Variants in RYR3 observed in about 807,000 individuals in gnomAD.
The protein encoded by RYR3 is brain ryanodine receptor-calcium release channel.
RYR3 carries 207 observed loss-of-function variants against 584.3 expected under a neutral mutation model. That is an observed-to-expected ratio of 0.35 (90% CI 0.32 to 0.40). The LOEUF is 0.40. Ranked by LOEUF, RYR3 falls within the 10% of genes least tolerant of loss-of-function variation. The probability of loss-of-function intolerance (pLI) is 1.00; values close to 1 mark genes in which losing one functional copy is unlikely to be tolerated. For missense variants in RYR3, 5,616 were observed against 6,089.2 expected (o/e 0.92, Z 2.59); for synonymous variants, 2,416 against 2,248.5 (o/e 1.07, Z -2.11).
chr15:33,375,062 C>T (rs979119819), intron 1 of RYR3, among the ~76,000 whole-genome samples: 10 of 152,022 alleles, frequency 6.6e-5, no homozygotes, highest in African/African-American at 2.4e-4. Context: ...GGAGAGTATC[C>T]AGCCTTTGAG....
At chr15:33,800,595 T>C (rs2152930059) in intron 67 of RYR3, among the ~76,000 whole-genome samples, 175 bp from the exon 68 acceptor site, 1 of 152,378 alleles carries the variant, frequency 6.6e-6, no homozygotes, top group Middle Eastern at 3.4e-3. Context: ...TATGTACCTA[T>C]ATCTGAATGT....
intron 1 of RYR3, among the ~76,000 whole-genome samples, chr15:33,449,780 C>G (rs1483184075): frequency 6.6e-6 from 1 of 152,022 alleles, no homozygotes; most frequent in Non-Finnish European, 1.5e-5. Flanking sequence ...CAGTCATTTT[C>G]GAGCACGGAT....
chr15:33,644,639 G>C (rs1389631359), intron 28 of RYR3, 120 bp downstream of exon 28: 4 of 701,014 alleles, frequency 5.7e-6, no homozygotes, highest in Non-Finnish European at 7.4e-6. Context: ...CCACTTACCA[G>C]CCACCTCCCC....
intron 1 of RYR3, among the ~76,000 whole-genome samples, chr15:33,426,948 C>T (rs2044700118): frequency 1.3e-5 from 2 of 152,154 alleles, no homozygotes; most frequent in Admixed American, 1.3e-4. Flanking sequence ...TATAAGGGCA[C>T]AAATCCCATT....
At chr15:33,579,889 G>T (rs2058505142) in intron 12 of RYR3, 87 bp from the exon 13 acceptor site, 2 of 996,872 alleles carry the variant, frequency 2.0e-6, no homozygotes, top group Non-Finnish European at 2.9e-6. Context: ...GCACCGTGGG[G>T]GGCTGTTAGG....
intron 64 of RYR3, among the ~76,000 whole-genome samples, chr15:33,775,189 G>A (rs937904961): frequency 6.6e-6 from 1 of 152,176 alleles, no homozygotes; most frequent in African/African-American, 2.4e-5. Flanking sequence ...CTCCATGTTG[G>A]TAGAAGTCAA....
In RYR3 at chr15:33,840,690, C is replaced by T. The variant is rs570754236; in HGVS notation, c.12979-135C>T. ...ACATATATAGCAGGACACTTATGTT[C>T]AGTGATCCTGAGAGAAGCAGAAACA... is the stretch of plus-strand genomic sequence containing the variant. On this transcript the variant is annotated intron_variant, in intron 89 of 103. Transcript: ENST00000634891. The T allele has an allele frequency of 1.1e-5, 8 of 741,946 alleles. No individual in the cohort carries two copies. The African/African-American group carries it at 1.2e-4, about 11-fold the overall frequency. The allele number at this position is 741,946 out of a possible 1,614,324, so 46.0% of individuals were successfully genotyped here.
intron 1 of RYR3, among the ~76,000 whole-genome samples, chr15:33,469,546 C>T (rs570813730): frequency 5.3e-5 from 8 of 151,644 alleles, no homozygotes; most frequent in African/African-American, 1.5e-4. Context: ...CTCAGAGATA[C>T]GAGATAATGA....
chr15:33,666,081 T>C (rs2063479633), intron 36 of RYR3, among the ~76,000 whole-genome samples: 1 of 152,198 alleles, frequency 6.6e-6, no homozygotes. Context: ...ATCAGCTTAC[T>C]GCAACCTCTG....
intron 35 of RYR3, 78 bp from the exon 36 acceptor site, chr15:33,663,459 C>A: frequency 8.1e-7 from 1 of 1,241,588 alleles, no homozygotes; most frequent in Non-Finnish European, 1.1e-6. Flanking sequence ...AGTCTCAGTG[C>A]TACTGTCTGT....
intron 92 of RYR3, 51 bp from the exon 93 acceptor site, chr15:33,844,811 T>C: frequency 6.6e-7 from 1 of 1,506,850 alleles, no homozygotes; most frequent in Admixed American, 1.8e-5. Context: ...GAGAGCCCAA[T>C]GGCTGAGGTT....
At chr15:33,451,504 C>T (rs1029725623) in intron 1 of RYR3, among the ~76,000 whole-genome samples, 1 of 151,958 alleles carries the variant, frequency 6.6e-6, no homozygotes, top group Admixed American at 6.6e-5. Context: ...GCTCCACAAT[C>T]ATGTGAGTGA....
At chr15:33,328,029 A>T (rs778955854) in intron 1 of RYR3, among the ~76,000 whole-genome samples, 2 of 152,216 alleles carry the variant, frequency 1.3e-5, no homozygotes, top group Non-Finnish European at 2.9e-5. Flanking sequence ...TTGTGTCTGT[A>T]TGTGTGCCTG....
intron 69 of RYR3, among the ~76,000 whole-genome samples, chr15:33,802,628 G>T (rs2075980866): frequency 6.6e-6 from 1 of 152,154 alleles, no homozygotes; most frequent in Non-Finnish European, 1.5e-5. Flanking sequence ...GGCTCTGCAC[G>T]CTGAGGCTTC....
intron 102 of RYR3, 23 bp downstream of exon 102, chr15:33,861,201 A>C (rs1888067682): frequency 6.5e-7 from 1 of 1,527,058 alleles, no homozygotes; most frequent in Non-Finnish European, 8.9e-7. Context: ...GGTTAACAAA[A>C]GTAATGGCAG....
At chr15:33,381,178 C>T (rs1012295852) in intron 1 of RYR3, among the ~76,000 whole-genome samples, 3 of 152,218 alleles carry the variant, frequency 2.0e-5, no homozygotes, top group East Asian at 1.9e-4. Flanking sequence ...CATCTGGTTC[C>T]GCCAATGTTT....
At chr15:33,745,196 A>G (rs2070569428) in intron 52 of RYR3, among the ~76,000 whole-genome samples, 1 of 152,120 alleles carries the variant, frequency 6.6e-6, no homozygotes. Context: ...TGTTCACTCC[A>G]CTTCATCCAG....
At chr15:33,571,603 T>C (rs2058030779) in intron 12 of RYR3, among the ~76,000 whole-genome samples, 1 of 152,202 alleles carries the variant, frequency 6.6e-6, no homozygotes, top group Non-Finnish European at 1.5e-5. Flanking sequence ...CATAGAGCCA[T>C]TCCAGGTGTC....
Position 33,724,084 on chromosome 15 carries a change from G to A in RYR3, c.6820G>A (p.Glu2274Lys), listed in dbSNP as rs1334698268. 11 of 1,610,062 alleles carry A rather than the reference G, an allele frequency of 6.8e-6. No individual in the cohort carries two copies. The highest frequency in any genetic ancestry group is 1.1e-5 in the South Asian group (1 of 90,862). Reference protein sequence around the residue: ...KREVSTGDDEEEEEIVHMGNA... With the variant: ...KREVSTGDDEKEEEIVHMGNA... ...TCTCAGCAGCACGGGGGACGATGAA[G>A]AGGAAGAAGAAATCGTGCATATGGG... is the stretch of plus-strand genomic sequence containing the variant. Residue 2274 changes from glutamate (E) to lysine (K), a missense_variant, in exon 45 of 104, where the codon GAG becomes AAG. Physicochemically the swap from Glu to Lys is moderately conservative, Grantham distance 56. This residue lies in a region of RYR3 where 1,280 missense variants were observed against 1,426.2 expected (regional missense o/e 0.90). Transcript: ENST00000634891.
Sources: allele counts gnomAD v4.1 joint callset (sites outside exome capture counted in the v4.1 genomes callset), GRCh38; gene constraint gnomAD v4.1.1; regional missense constraint gnomAD v4.1.1; transcripts MANE v1.5; gene names NCBI Gene and HGNC (gene_info 2026-07-23, HGNC 2026-07-21).